The following MBD5 variants were observed in gnomAD, a reference collection of about 807,000 sequenced individuals.
The protein encoded by MBD5 is methyl-CpG-binding domain protein 5.
MBD5 carries 13 observed loss-of-function variants against 117.3 expected under a neutral mutation model. The observed-to-expected ratio is 0.11, with a 90% CI of 0.07 to 0.18. The LOEUF is 0.18. MBD5 is among the 10% of genes least tolerant of loss of function. The pLI is 1.00. For synonymous variants in MBD5, 727 were observed against 766.4 expected, an observed-to-expected ratio of 0.95 and a Z score of 0.85; for missense variants, 1,879 against 2,093.8, an observed-to-expected ratio of 0.90 and a Z score of 2.00.
intron 4 of MBD5, among the ~76,000 whole-genome samples, chr2:148,403,297 A>G (rs1316645516): frequency 6.6e-6 from 1 of 151,952 alleles, no homozygotes; most frequent in Non-Finnish European, 1.5e-5. Flanking sequence ...CTTGTGCCTC[A>G]GCCACCCAAA....
In MBD5 at chr2:148,484,132, C is replaced by T. The variant is rs1340955986; in HGVS notation, c.3541C>T (p.Leu1181Phe). Residue 1181 changes from leucine to phenylalanine, a missense_variant, in exon 9 of 14, where the codon CTT becomes TTT. Transcript: ENST00000642680. Reference sequence around the variant, plus strand: ...TAACCCTCTACTGGGGACAGGTCTACTTGGTAAGTTAAATTTTTTCACAAA... The same window carrying T: ...TAACCCTCTACTGGGGACAGGTCTATTTGGTAAGTTAAATTTTTTCACAAA... ...LLNPLLGTGL[L>F]GDMSSINNTL... 6 of 1,430,182 alleles carry T rather than the reference C, an allele frequency of 4.2e-6. No individual in the cohort carries two copies. The African/African-American group carries it at 4.4e-5, about 10-fold the overall frequency. The allele number at this position is 1,430,182 out of a possible 1,614,324, so 88.6% of individuals were successfully genotyped here.
chr2:148,406,177 G>C (rs897475964), intron 4 of MBD5, among the ~76,000 whole-genome samples: 1 of 152,172 alleles, frequency 6.6e-6, no homozygotes, highest in Admixed American at 6.5e-5. Flanking sequence ...CTGGGCAACA[G>C]AGTGAAACCC....
rs757371602 is a variant in MBD5 at position 148,296,864 on chromosome 2, ATTTT to A, written c.-679-45333_-679-45330del. ...AAGCATAGTTTGCTTTAGTTCTTCA[ATTTT>A]TTTTTTTTTTTTTTTTGGAGACAGA... On this transcript the variant is annotated intron_variant, in intron 3 of 13. Transcript: ENST00000642680. 6.0e-4 allele frequency among the ~76,000 whole-genome samples: 37 copies of A among 61,332 alleles called. 2 individuals carry two copies. In the Admixed American group the frequency reaches 8.5e-3, roughly 14 times the overall value. 40.2% of individuals were successfully genotyped at this position (61,332 alleles called of 152,430 possible). A position where few individuals can be genotyped will look rare whatever the true frequency, so the allele number is the denominator to read the frequency against.
At chr2:148,241,459 C>T (rs1044961547) in intron 3 of MBD5, among the ~76,000 whole-genome samples, 16 of 152,044 alleles carry the variant, frequency 1.1e-4, no homozygotes, top group African/African-American at 3.9e-4. Flanking sequence ...TAGAAGAAAT[C>T]CTTATTTTTG....
At chr2:148,182,208 T>A (rs918526253) in intron 2 of MBD5, among the ~76,000 whole-genome samples, 1 of 152,208 alleles carries the variant, frequency 6.6e-6, no homozygotes, top group African/African-American at 2.4e-5. Context: ...AAGGTTCTTC[T>A]ATTTTTAGTT....
chr2:148,230,633 A>G (rs1038457500), intron 2 of MBD5, among the ~76,000 whole-genome samples: 1 of 151,942 alleles, frequency 6.6e-6, no homozygotes, highest in Non-Finnish European at 1.5e-5. Flanking sequence ...CCCTGTACCC[A>G]CCACAACTAG....
chr2:148,379,804 A>G (rs1392596835), intron 4 of MBD5, among the ~76,000 whole-genome samples: 1 of 152,164 alleles, frequency 6.6e-6, no homozygotes, highest in Non-Finnish European at 1.5e-5. Flanking sequence ...GTAACCCACT[A>G]AGAGATTATA....
intron 3 of MBD5, among the ~76,000 whole-genome samples, chr2:148,252,137 T>A (rs1700480164): frequency 6.6e-6 from 1 of 152,060 alleles, no homozygotes; most frequent in Admixed American, 6.6e-5. Context: ...GAACAAAGGC[T>A]TTTGCTGTCC....
intron 11 of MBD5, among the ~76,000 whole-genome samples, chr2:148,498,583 G>A (rs1482664963): frequency 3.3e-5 from 5 of 152,074 alleles, no homozygotes; most frequent in South Asian, 4.1e-4. Context: ...TGATCCACCC[G>A]CCTCGACCTC....
At chr2:148,023,682 T>C (rs1693826834) in intron 1 of MBD5, among the ~76,000 whole-genome samples, 1 of 152,118 alleles carries the variant, frequency 6.6e-6, no homozygotes, top group Non-Finnish European at 1.5e-5. Context: ...AAGGGAATTA[T>C]GTAGATAATT....
intron 4 of MBD5, among the ~76,000 whole-genome samples, chr2:148,429,364 T>C (rs1248495925): frequency 6.6e-6 from 1 of 152,164 alleles, no homozygotes; most frequent in Non-Finnish European, 1.5e-5. Flanking sequence ...CTGGGGAGGA[T>C]GTGGAGAAAT....
intron 3 of MBD5, among the ~76,000 whole-genome samples, chr2:148,267,003 G>C (rs1054926764): frequency 1.8e-4 from 28 of 152,090 alleles, no homozygotes; most frequent in African/African-American, 6.8e-4. Context: ...ATACAGCAAA[G>C]AATGAAACAA....
At chr2:148,323,960 G>A (rs568921548) in intron 3 of MBD5, among the ~76,000 whole-genome samples, 2 of 152,268 alleles carry the variant, frequency 1.3e-5, no homozygotes, top group Admixed American at 1.3e-4. Context: ...TTCTTTTAGG[G>A]TTTTTATGGT....
At chr2:148,219,862 T>C (rs1039545250) in intron 2 of MBD5, 1 of 152,214 alleles carries the variant, frequency 6.6e-6, no homozygotes, top group African/African-American at 2.4e-5. Context: ...ACCTCTAGGA[T>C]AGTCAAATAT....
intron 4 of MBD5, among the ~76,000 whole-genome samples, chr2:148,441,508 T>G (rs1326271042): frequency 6.6e-6 from 1 of 152,208 alleles, no homozygotes; most frequent in African/African-American, 2.4e-5. Context: ...TCTATCATTG[T>G]TGGACATTTG....
intron 1 of MBD5, among the ~76,000 whole-genome samples, chr2:148,151,938 C>T (rs941284408): frequency 1.3e-5 from 2 of 151,826 alleles, no homozygotes; most frequent in Admixed American, 6.6e-5. Flanking sequence ...GTCTCTCTTT[C>T]CTTCAGTTCT....
chr2:148,084,065 C>T (rs1695716954), intron 1 of MBD5, among the ~76,000 whole-genome samples: 1 of 152,166 alleles, frequency 6.6e-6, no homozygotes, highest in South Asian at 2.1e-4. Flanking sequence ...TGTAGAAATG[C>T]TTTATAAAGT....
intron 4 of MBD5, among the ~76,000 whole-genome samples, chr2:148,389,394 T>TA (rs1445577848): frequency 6.7e-6 from 1 of 149,256 alleles, no homozygotes; most frequent in Admixed American, 6.7e-5. Flanking sequence ...GCAATGAACA[T>TA]AACAGTGCAG....
intron 1 of MBD5, among the ~76,000 whole-genome samples, chr2:148,150,941 C>T (rs965033893): frequency 3.3e-5 from 5 of 151,782 alleles, no homozygotes; most frequent in African/African-American, 9.7e-5. Context: ...ATTTCCTTCT[C>T]CTGCCTGATT....
Sources: allele counts gnomAD v4.1 joint callset (sites outside exome capture counted in the v4.1 genomes callset), GRCh38; gene constraint gnomAD v4.1.1; transcripts MANE v1.5; gene names NCBI Gene and HGNC (gene_info 2026-07-23, HGNC 2026-07-21).